Variants in LGR5 observed in about 807,000 individuals in gnomAD.
LGR5 encodes the protein leucine-rich repeat-containing G protein-coupled receptor 5.
A neutral mutation model predicts 76.7 loss-of-function variants in LGR5; 54 were observed. The ratio of observed to expected loss-of-function variants is 0.70; its 90% CI spans 0.57 to 0.88. The LOEUF is 0.88. LGR5 is among the 40% of genes least tolerant of loss of function. The probability of loss-of-function intolerance (pLI) is 0.00; values close to 1 mark genes in which losing one functional copy is unlikely to be tolerated. For missense variants in LGR5, 1,078 were observed against 1,073.3 expected (o/e 1.00, Z -0.06); for synonymous variants, 406 against 421.9 (o/e 0.96, Z 0.46).
At chr12:71,500,990 A>T (rs908854468) in intron 1 of LGR5, among the ~76,000 whole-genome samples, 28 of 152,258 alleles carry the variant, frequency 1.8e-4, no homozygotes, top group African/African-American at 6.3e-4. Context: ...CCAGTTCTTC[A>T]AAATTAATTT....
At chr12:71,531,527 G>A (rs955414743) in intron 3 of LGR5, among the ~76,000 whole-genome samples, 10 of 152,058 alleles carry the variant, frequency 6.6e-5, no homozygotes, top group African/African-American at 4.8e-5. Flanking sequence ...ACTGGTAGAC[G>A]TAGTTGAAAA....
intron 2 of LGR5, among the ~76,000 whole-genome samples, chr12:71,511,684 C>T (rs550404731): frequency 6.6e-6 from 1 of 152,254 alleles, no homozygotes; most frequent in South Asian, 2.1e-4. Flanking sequence ...TTAAGTGACA[C>T]CTCCACCAAC....
intron 1 of LGR5, among the ~76,000 whole-genome samples, chr12:71,452,970 T>C (rs1003115269): frequency 6.6e-6 from 1 of 152,246 alleles, no homozygotes; most frequent in Admixed American, 6.5e-5. Flanking sequence ...ACTAAACTCA[T>C]GCTTTTCAAG....
intron 3 of LGR5, among the ~76,000 whole-genome samples, chr12:71,531,472 G>A (rs1456314183): frequency 1.3e-5 from 2 of 152,152 alleles, no homozygotes; most frequent in African/African-American, 4.8e-5. Flanking sequence ...AGTGATCAGG[G>A]CTTAAATTGT....
intron 1 of LGR5, among the ~76,000 whole-genome samples, chr12:71,479,162 G>A (rs1464619302): frequency 6.6e-6 from 1 of 151,930 alleles, no homozygotes; most frequent in Admixed American, 6.6e-5. Flanking sequence ...TTTTTTCTAT[G>A]AGTTGTTCAT....
chr12:71,459,478 T>C (rs1057341207), intron 1 of LGR5, among the ~76,000 whole-genome samples: 1 of 152,130 alleles, frequency 6.6e-6, no homozygotes, highest in African/African-American at 2.4e-5. Flanking sequence ...GAGTCCCCTC[T>C]ATTCTTCTCA....
chr12:71,542,025 A>G (rs116688246), intron 4 of LGR5, among the ~76,000 whole-genome samples: 2,675 of 152,330 alleles, frequency 0.018, 72 homozygotes, highest in African/African-American at 0.06. Flanking sequence ...GGAATGCTGG[A>G]AAACAGAAAG....
chr12:71,507,364 A>C (rs904633464), intron 2 of LGR5, among the ~76,000 whole-genome samples: 3 of 152,064 alleles, frequency 2.0e-5, no homozygotes, highest in African/African-American at 7.2e-5. Context: ...AGTAGTTTGC[A>C]TAGTTGAACA....
intron 8 of LGR5, among the ~76,000 whole-genome samples, chr12:71,563,574 A>C (rs967490238): frequency 2.6e-5 from 4 of 152,126 alleles, no homozygotes; most frequent in African/African-American, 9.7e-5. Context: ...AGTTCCCCAA[A>C]GCTCTCCTCA....
chr12:71,495,315 CT>C (rs1453539902), intron 1 of LGR5, among the ~76,000 whole-genome samples: 2 of 151,196 alleles, frequency 1.3e-5, no homozygotes, highest in East Asian at 3.9e-4. Flanking sequence ...TTTGGGGGTA[CT>C]TTTTTGGGAA....
In LGR5 at chr12:71,566,943, A is replaced by C. The variant is rs745462563; in HGVS notation, c.1070+31A>C. On this transcript the variant is annotated intron_variant, in intron 11 of 17. Coordinates refer to ENST00000266674, the MANE Select transcript of LGR5 (RefSeq NM_003667.4). ...TATCAGTAAGGCAATAATGTTGTGT[A>C]AACAGGCAACTTCCATTTAGGGGTG... 2.0e-6 allele frequency: 3 copies of C among 1,507,540 alleles called. No homozygotes were observed. In the South Asian group the frequency reaches 3.4e-5, roughly 17 times the overall value. 93.4% of individuals were successfully genotyped at this position (1,507,540 alleles called of 1,614,324 possible). A position where few individuals can be genotyped will look rare whatever the true frequency, so the allele number is the denominator to read the frequency against.
At chr12:71,527,797 T>C (rs1326611383) in intron 3 of LGR5, among the ~76,000 whole-genome samples, 1 of 152,356 alleles carries the variant, frequency 6.6e-6, no homozygotes, top group East Asian at 1.9e-4. Flanking sequence ...AGCATTAGAA[T>C]AATTTTTCTC....
chr12:71,565,982 C>T (rs1300963324), intron 8 of LGR5, among the ~76,000 whole-genome samples: 1 of 152,110 alleles, frequency 6.6e-6, no homozygotes, highest in African/African-American at 2.4e-5. Flanking sequence ...TGGTGACCAG[C>T]AGATATAATA....
intron 1 of LGR5, among the ~76,000 whole-genome samples, chr12:71,493,044 C>A (rs1874144970): frequency 6.6e-6 from 1 of 151,336 alleles, no homozygotes; most frequent in African/African-American, 2.5e-5. Context: ...ATTTCAGTTT[C>A]AGCAGAAAAT....
At chr12:71,473,309 A>C (rs1231542429) in intron 1 of LGR5, among the ~76,000 whole-genome samples, 1 of 152,194 alleles carries the variant, frequency 6.6e-6, no homozygotes, top group African/African-American at 2.4e-5. Flanking sequence ...TAGTAGGTTT[A>C]TAAATTATCA....
In LGR5 at chr12:71,535,203, T is replaced by C; in HGVS notation, c.428+17T>C. The C allele has an allele frequency of 6.7e-7, 1 of 1,501,828 alleles. No individual in the cohort carries two copies. Among genetic ancestry groups the C allele is most frequent in the Non-Finnish European group, 9.2e-7 (1 of 1,081,122 alleles). The allele number at this position is 1,501,828 out of a possible 1,614,324, so 93.0% of individuals were successfully genotyped here. A position where few individuals can be genotyped will look rare whatever the true frequency, so the allele number is the denominator to read the frequency against. On this transcript the variant is annotated intron_variant, in intron 4 of 17. Transcript: ENST00000266674. ...TCAATCCCTGTAAGTATAGTAGACA[T>C]TGCAAAATATATTTAAGATCAATTT...
chr12:71,498,282 T>C (rs140246694), intron 1 of LGR5, among the ~76,000 whole-genome samples: 34 of 152,334 alleles, frequency 2.2e-4, no homozygotes, highest in African/African-American at 6.3e-4. Flanking sequence ...AGAAGAGTTC[T>C]ATACCTCATG....
chr12:71,569,800 A>G (rs922158570), intron 11 of LGR5, among the ~76,000 whole-genome samples: 1 of 152,224 alleles, frequency 6.6e-6, no homozygotes, highest in African/African-American at 2.4e-5. Flanking sequence ...CAGCAATCCC[A>G]TAACTGGGTA....
At chr12:71,548,171 G>A (rs1408544991) in intron 4 of LGR5, among the ~76,000 whole-genome samples, 1 of 152,162 alleles carries the variant, frequency 6.6e-6, no homozygotes, top group African/African-American at 2.4e-5. Flanking sequence ...TTCAATGGAT[G>A]CGTAAATGGC....
Sources: allele counts gnomAD v4.1 joint callset (sites outside exome capture counted in the v4.1 genomes callset), GRCh38; gene constraint gnomAD v4.1.1; transcripts MANE v1.5; gene names NCBI Gene and HGNC (gene_info 2026-07-23, HGNC 2026-07-21).